CLEC2L: variants seen among roughly 807,000 people sequenced by gnomAD.
CLEC2L encodes C-type lectin domain family 2, member L.
Under a neutral mutation model 23.6 loss-of-function variants are expected in CLEC2L, and 14 were observed. The ratio of observed to expected loss-of-function variants is 0.59; its 90% confidence interval spans 0.39 to 0.93. CLEC2L has a LOEUF of 0.93. CLEC2L is among the 40% of genes least tolerant of loss of function. The probability of loss-of-function intolerance (pLI) is 0.00; values close to 1 mark genes in which losing one functional copy is unlikely to be tolerated. For missense variants in CLEC2L, 264 were observed against 282.4 expected, an observed-to-expected ratio of 0.93 and a Z score of 0.47; for synonymous variants, 114 against 121.3, an observed-to-expected ratio of 0.94 and a Z score of 0.40.
chr7:139,533,748 T>C (rs923592823), intron 1 of CLEC2L, among the ~76,000 whole-genome samples: 2 of 152,238 alleles, frequency 1.3e-5, no homozygotes, highest in African/African-American at 4.8e-5. Context: ...AGGTTTCTTT[T>C]TAAAATCCTT....
intron 2 of CLEC2L, among the ~76,000 whole-genome samples, chr7:139,537,018 A>G (rs986552680): frequency 2.0e-5 from 3 of 149,602 alleles, no homozygotes; most frequent in African/African-American, 7.4e-5. Context: ...TTCAGTCAGC[A>G]TTTATTGAGT....
At chr7:139,542,195 C>A in intron 4 of CLEC2L, 74 bp downstream of exon 4, 1 of 994,130 alleles carries the variant, frequency 1.0e-6, no homozygotes, top group Admixed American at 2.6e-5. Context: ...GGACACAACT[C>A]CCGAAGAGAG....
chr7:139,525,388 C>G (rs753069723), intron 1 of CLEC2L, among the ~76,000 whole-genome samples: 3 of 152,190 alleles, frequency 2.0e-5, no homozygotes, highest in African/African-American at 7.2e-5. Context: ...GGCCAGGGGA[C>G]GTGCACTGTC....
intron 3 of CLEC2L, among the ~76,000 whole-genome samples, chr7:139,541,307 C>T (rs1043566075): frequency 6.6e-6 from 1 of 151,624 alleles, no homozygotes; most frequent in Non-Finnish European, 1.5e-5. Flanking sequence ...CCGTGCCCAG[C>T]CACAAGACTT....
Position 139,544,594 on chromosome 7 carries a change from T to C in CLEC2L, c.*252T>C. On this transcript the variant is annotated 3_prime_UTR_variant, in exon 5 of 5. Coordinates refer to ENST00000422142, the MANE Select transcript of CLEC2L (RefSeq NM_001080511.4). ...TAGGTAGTGTAGGCATCTGCCCACC[T>C]ACACACACACACATGCATAGGTACA... is the stretch of plus-strand genomic sequence containing the variant. 2 of 527,622 alleles carry C rather than the reference T, an allele frequency of 3.8e-6. No individual in the cohort carries two copies. Among genetic ancestry groups the C allele is most frequent in the Non-Finnish European group, 6.9e-6 (2 of 291,500 alleles). 32.7% of individuals were successfully genotyped at this position (527,622 alleles called of 1,614,324 possible). A position where few individuals can be genotyped will look rare whatever the true frequency, so the allele number is the denominator to read the frequency against.
At position 139,544,624 on chromosome 7, in the gene CLEC2L, C is replaced by G. The variant is rs1186874873; in HGVS notation, c.*282C>G. The G allele has an allele frequency of 2.4e-6, 1 of 411,458 alleles. No homozygotes were observed. Among genetic ancestry groups the G allele is most frequent in the African/African-American group, 2.0e-5 (1 of 49,904 alleles). 25.5% of individuals were successfully genotyped at this position (411,458 alleles called of 1,614,324 possible). A position where few individuals can be genotyped will look rare whatever the true frequency, so the allele number is the denominator to read the frequency against. On this transcript the variant is annotated 3_prime_UTR_variant, in exon 5 of 5. Coordinates refer to ENST00000422142, the MANE Select transcript of CLEC2L (RefSeq NM_001080511.4). ...ACACACACATGCATAGGTACACGCA[C>G]GCACAGACGCTGTCCCTTCTGAAGC...
chr7:139,526,219 C>A (rs1585195977), intron 1 of CLEC2L, among the ~76,000 whole-genome samples: 1 of 152,074 alleles, frequency 6.6e-6, no homozygotes, highest in Non-Finnish European at 1.5e-5. Context: ...TGAGAGGAGC[C>A]TGGGAAAGGA....
At chr7:139,536,965 A>C (rs1047504239) in intron 2 of CLEC2L, among the ~76,000 whole-genome samples, 9 of 142,072 alleles carry the variant, frequency 6.3e-5, no homozygotes, top group Admixed American at 1.4e-4. Context: ...CGACAGAGAA[A>C]GACTCCATCT....
At chr7:139,538,140 A>G (rs984937580) in intron 2 of CLEC2L, among the ~76,000 whole-genome samples, 2 of 152,166 alleles carry the variant, frequency 1.3e-5, no homozygotes, top group Non-Finnish European at 2.9e-5. Context: ...GTGTTTAGAA[A>G]TGGATATGGC....
Position 139,540,223 on chromosome 7 carries a change from C to A in CLEC2L, c.266-98C>A. On this transcript the variant is annotated intron_variant, in intron 2 of 4. Transcript: ENST00000422142. The surrounding 1 kb of genome is among the most constrained non-coding windows in gnomAD (Gnocchi z 5.8). ...GACAGCCACATCTGCAGTGTCCCTGCAGGACGCCAAAGCTGAGGCAGGGGA... is the reference window on the plus strand; with the variant it reads ...GACAGCCACATCTGCAGTGTCCCTGAAGGACGCCAAAGCTGAGGCAGGGGA... 1 of 1,254,554 alleles carries A rather than the reference C, an allele frequency of 8.0e-7. No individual in the cohort carries two copies. Among genetic ancestry groups the A allele is most frequent in the Non-Finnish European group, 1.1e-6 (1 of 902,646 alleles). 77.7% of individuals were successfully genotyped at this position (1,254,554 alleles called of 1,614,324 possible). A position where few individuals can be genotyped will look rare whatever the true frequency, so the allele number is the denominator to read the frequency against.
At chr7:139,526,147 A>G (rs1286425849) in intron 1 of CLEC2L, among the ~76,000 whole-genome samples, 2 of 152,142 alleles carry the variant, frequency 1.3e-5, no homozygotes, top group African/African-American at 2.4e-5. Context: ...GAGTCTGGCC[A>G]GGGGCCTCCC....
At chr7:139,533,484 T>A (rs1457933112) in intron 1 of CLEC2L, among the ~76,000 whole-genome samples, 1 of 152,046 alleles carries the variant, frequency 6.6e-6, no homozygotes, top group African/African-American at 2.4e-5. Context: ...GCCTATCGAG[T>A]AGCTGGGATT....
chr7:139,534,489 A>G, intron 1 of CLEC2L: 2 of 781,076 alleles, frequency 2.6e-6, no homozygotes, highest in Non-Finnish European at 4.7e-6. Context: ...GCCTTATAAA[A>G]AAAGACTGGA....
At chr7:139,538,674 G>A (rs1028508457) in intron 2 of CLEC2L, among the ~76,000 whole-genome samples, 5 of 152,126 alleles carry the variant, frequency 3.3e-5, no homozygotes, top group African/African-American at 4.8e-5. Flanking sequence ...GCTTGAATCC[G>A]GGAGGCAGAG....
At chr7:139,543,974 T>C (rs1253260581) in intron 4 of CLEC2L, among the ~76,000 whole-genome samples, 1 of 152,006 alleles carries the variant, frequency 6.6e-6, no homozygotes, top group East Asian at 1.9e-4. Context: ...TGCAAGGACA[T>C]TGAGAATGGG....
intron 1 of CLEC2L, chr7:139,534,560 A>T: frequency 2.7e-6 from 2 of 745,156 alleles, no homozygotes; most frequent in Non-Finnish European, 2.5e-6. Flanking sequence ...AAATAATTGT[A>T]TTGGAAGCAT....
At chr7:139,536,377 AT>A (rs760053019) in intron 2 of CLEC2L, 29 bp downstream of exon 2, 2 of 1,537,450 alleles carry the variant, frequency 1.3e-6, no homozygotes, top group Non-Finnish European at 1.8e-6. Context: ...GCATTTATGC[AT>A]TCAGTTTGCA....
intron 2 of CLEC2L, among the ~76,000 whole-genome samples, chr7:139,537,007 A>G (rs995930055): frequency 1.3e-5 from 2 of 149,476 alleles, no homozygotes; most frequent in East Asian, 3.9e-4. Context: ...AAAAGATCAC[A>G]TTCAGTCAGC....
rs565435022 is a variant in CLEC2L, at chr7:139,538,703, C to T, written c.266-1618C>T. On this transcript the variant is annotated intron_variant, in intron 2 of 4. Transcript: ENST00000422142. ...GGCAGAGGTTGCAGTGAGCCGAGAT[C>T]GCGCCACTGCACTCCAGGCTGGGTG... 2.1e-4 allele frequency among the ~76,000 whole-genome samples: 32 copies of T among 152,168 alleles called. 1 individual carries two copies. The East Asian group carries it at 5.8e-3, about 28-fold the overall frequency.
Sources: gnomAD v4.1 joint callset for allele counts (sites outside exome capture counted in the v4.1 genomes callset) on GRCh38, gnomAD v4.1.1 for gene constraint, Gnocchi (gnomAD v3.1) non-coding constraint, MANE v1.5 for transcripts, NCBI Gene and HGNC (gene_info 2026-07-23, HGNC 2026-07-21) for gene names.